The following HERC2 variants were observed in gnomAD, a reference collection of about 807,000 sequenced individuals.
HERC2 encodes HECT and RLD domain containing E3 ubiquitin protein ligase 2, also known as E3 ubiquitin-protein ligase HERC2.
Under a neutral mutation model 537.7 loss-of-function variants are expected in HERC2, and 102 were observed. The observed-to-expected ratio is 0.19, with a 90% CI of 0.16 to 0.22. The LOEUF is 0.22. Ranked by LOEUF, HERC2 falls within the 10% of genes least tolerant of loss-of-function variation. The pLI is 1.00. For synonymous variants in HERC2, 2,224 were observed against 2,466.2 expected (o/e 0.90, Z 2.91); for missense variants, 4,236 against 6,198.2 (o/e 0.68, Z 10.63).
chr15:28,233,582 G>C, intron 28 of HERC2, 21 bp from the exon 29 acceptor site: 1 of 1,613,762 alleles, frequency 6.2e-7, no homozygotes, highest in Non-Finnish European at 8.5e-7. Flanking sequence ...ACATTTAAAA[G>C]AAGGGCAGGG....
In HERC2 at chr15:28,238,150, T is replaced by C. The variant is rs1187434919; in HGVS notation, c.3816A>G (p.Glu1272=). 1.9e-6 allele frequency: 3 copies of C among 1,611,928 alleles called. No homozygotes were observed. In the South Asian group the frequency reaches 3.3e-5, roughly 18 times the overall value. Reference sequence around the variant, plus strand: ...GGCCAACACAAAACGCGTGCATGGATTCCCGGGTGTCTTCAAACTGCAAAG... The same window carrying C: ...GGCCAACACAAAACGCGTGCATGGACTCCCGGGTGTCTTCAAACTGCAAAG... ...EAALQFEDTR[E]SMHAFCVGQY... is the part of the protein sequence containing the mutation. The change falls in exon 25 of 93, where the codon GAA becomes GAG. Residue 1272 remains glutamate (E), a synonymous_variant. Coordinates refer to ENST00000261609, the MANE Select transcript of HERC2 (RefSeq NM_004667.6).
At position 28,163,253 on chromosome 15, in the gene HERC2, C is replaced by T. The variant is rs761279405; in HGVS notation, c.10587G>A (p.Pro3529=). ...DVESQNKAAG[P]EPQALDEFTS... The stretch of plus-strand genomic sequence containing the variant: ...TGAACTCATCCAAGGCCTGAGGCTC[C>T]GGACCTGCTGCTTTATTTTGGCTTT... Residue 3529 remains proline (P), a synonymous_variant, in exon 69 of 93, where the codon CCG becomes CCA. Coordinates refer to ENST00000261609, the MANE Select transcript of HERC2 (RefSeq NM_004667.6). 23 of 1,613,462 alleles carry T rather than the reference C, an allele frequency of 1.4e-5. No individual in the cohort carries two copies. The highest frequency in any genetic ancestry group is 3.3e-4 in the Middle Eastern group (2 of 6,084).
At position 28,115,416 on chromosome 15, in the gene HERC2, C is replaced by T. The variant is rs555825051; in HGVS notation, c.13722+13G>A. On this transcript the variant is annotated intron_variant, in intron 89 of 92. Coordinates refer to ENST00000261609, the MANE Select transcript of HERC2 (RefSeq NM_004667.6). Reference sequence around the variant, plus strand: ...AGACCCTAGAGGCCCCGCCTGCCGCCCCAGGGAGTTACCTCACTGAGGTCC... The same window carrying T: ...AGACCCTAGAGGCCCCGCCTGCCGCTCCAGGGAGTTACCTCACTGAGGTCC... The T allele has an allele frequency of 2.5e-6, 4 of 1,601,308 alleles. No individual in the cohort carries two copies. Among genetic ancestry groups the T allele is most frequent in the East Asian group, 4.5e-5 (2 of 44,786 alleles).
chr15:28,280,324 C>T, intron 4 of HERC2, 37 bp from the exon 5 acceptor site: 1 of 1,513,442 alleles, frequency 6.6e-7, no homozygotes, highest in Non-Finnish European at 9.0e-7. Context: ...CACCTGTGGA[C>T]AATGTGGCCA....
intron 6 of HERC2, among the ~76,000 whole-genome samples, 162 bp from the exon 7 acceptor site, chr15:28,274,609 C>G (rs2075822878): frequency 6.6e-6 from 1 of 152,238 alleles, no homozygotes; most frequent in African/African-American, 2.4e-5. Context: ...TGTTTCACGG[C>G]TGTCACATGA....
At chr15:28,172,407 T>C (rs971441337) in intron 65 of HERC2, among the ~76,000 whole-genome samples, 14 of 152,198 alleles carry the variant, frequency 9.2e-5, no homozygotes, top group Non-Finnish European at 1.9e-4. Context: ...AGACAATATG[T>C]CATTGCCACC....
intron 2 of HERC2, among the ~76,000 whole-genome samples, chr15:28,309,540 G>C (rs530568271): frequency 2.8e-4 from 43 of 152,276 alleles, no homozygotes; most frequent in Middle Eastern, 3.4e-3. Flanking sequence ...CCGTCCTGAA[G>C]GGATGGTCTT....
chr15:28,201,650 T>C, intron 47 of HERC2, 96 bp from the exon 48 acceptor site: 1 of 803,440 alleles, frequency 1.2e-6, no homozygotes, highest in Non-Finnish European at 2.1e-6. Context: ...TATTAAAAAG[T>C]AGAGGATGAA....
intron 69 of HERC2, among the ~76,000 whole-genome samples, chr15:28,154,364 A>G (rs1892770506): frequency 6.6e-6 from 1 of 152,192 alleles, no homozygotes; most frequent in Non-Finnish European, 1.5e-5. Flanking sequence ...TTTGAGTCCC[A>G]AATATCAGGT....
rs752342105 is a variant in HERC2, at chr15:28,256,305, T to C, written c.2530A>G (p.Ile844Val). The change falls in exon 18 of 93, where the codon ATT (isoleucine) becomes GTT (valine). Residue 844 changes from isoleucine (I) to valine (V), a missense_variant. This residue lies in a region of HERC2 where 754 missense variants were observed against 1,085.0 expected (regional missense o/e 0.69). Coordinates refer to ENST00000261609, the MANE Select transcript of HERC2 (RefSeq NM_004667.6). ...NLLRLQLHAA[I>V]SHQVDPEFLG... ...AATTCCGGGTCAACCTGGTGACTAA[T>C]GGCAGCATGCAACTGAAAGGAGAAA... 1.4e-5 allele frequency: 23 copies of C among 1,593,726 alleles called. No individual in the cohort carries two copies. In the East Asian group the frequency reaches 4.2e-4, roughly 29 times the overall value.
intron 15 of HERC2, among the ~76,000 whole-genome samples, chr15:28,262,506 T>C (rs2075441514): frequency 6.6e-6 from 1 of 152,132 alleles, no homozygotes. Context: ...CATGAGGGTG[T>C]CCCAAGTGGA....
intron 57 of HERC2, among the ~76,000 whole-genome samples, chr15:28,180,803 T>TATAACA (rs1334966808): frequency 6.6e-6 from 1 of 152,206 alleles, no homozygotes; most frequent in African/African-American, 2.4e-5. Flanking sequence ...AACAATGTAA[T>TATAACA]ATAACAACTA....
At chr15:28,153,472 G>T (rs879747419) in intron 69 of HERC2, among the ~76,000 whole-genome samples, 2 of 151,902 alleles carry the variant, frequency 1.3e-5, no homozygotes, top group African/African-American at 4.8e-5. Flanking sequence ...TGGCCAGTAC[G>T]GTGAAACCCC....
intron 16 of HERC2, among the ~76,000 whole-genome samples, chr15:28,260,081 T>C (rs2140922894): frequency 6.6e-6 from 1 of 151,328 alleles, no homozygotes; most frequent in South Asian, 2.1e-4. Flanking sequence ...GCCTCACACC[T>C]GTAATCCCAG....
In HERC2 at chr15:28,144,228, T is replaced by A. The variant is rs923939095; in HGVS notation, c.11148A>T (p.Lys3716Asn). The change falls in exon 73 of 93, where the codon AAA (lysine) becomes AAT (asparagine). Residue 3716 changes from lysine (K) to asparagine (N), a missense_variant. Transcript: ENST00000261609. ...VYPIMPAAGP[K>N]ELLSDRCVLS... The stretch of plus-strand genomic sequence containing the variant: ...GGACGCAGCGGTCAGAGAGGAGTTC[T>A]TTAGGGCCTGTGAATGAACACTGTA... The A allele has an allele frequency of 8.1e-6, 13 of 1,613,808 alleles. No individual in the cohort carries two copies. Among genetic ancestry groups the A allele is most frequent in the Non-Finnish European group, 1.1e-5 (13 of 1,180,024 alleles).
intron 2 of HERC2, among the ~76,000 whole-genome samples, chr15:28,303,362 A>C (rs1296318368): frequency 6.6e-6 from 1 of 152,006 alleles, no homozygotes; most frequent in East Asian, 1.9e-4. Context: ...CCATTGGTCT[A>C]GGTGTCTGTT....
At position 28,174,425 on chromosome 15, in the gene HERC2, C is replaced by T. The variant is rs769531855; in HGVS notation, c.10027G>A (p.Ala3343Thr). Residue 3343 changes from alanine (A) to threonine (T), a missense_variant, in exon 65 of 93, where the codon GCA (alanine) becomes ACA (threonine). Physicochemically the swap from Ala to Thr is moderately conservative, Grantham distance 58. Around this residue, in one of 27 missense-constraint regions of HERC2, gnomAD observed 93 missense variants for 265.1 expected, o/e 0.35. Coordinates refer to ENST00000261609, the MANE Select transcript of HERC2 (RefSeq NM_004667.6). The stretch of plus-strand genomic sequence containing the variant: ...TAGGAAGCACCTAAAGGGTCTCTTG[C>T]AGTCTGGAAGAGGACGGGCTCGTGG... ...SVHEPVLFQT[A>T]RDPLGASYLG... 5 of 1,611,924 alleles carry T rather than the reference C, an allele frequency of 3.1e-6. No individual in the cohort carries two copies. In the Admixed American group the frequency reaches 6.7e-5, roughly 21 times the overall value.
In HERC2 at chr15:28,130,268, A is replaced by T. The variant is rs138063419; in HGVS notation, c.12697T>A (p.Ser4233Thr). Reference protein sequence around the residue: ...KGDYHRLGHGSDDHVRRPRQV... With the variant: ...KGDYHRLGHGTDDHVRRPRQV... ...CGAGGCCTTCGAACATGGTCATCTG[A>T]TCCATGGCCCAACCTGTGATAATCG... The change falls in exon 83 of 93, where the codon TCA (serine) becomes ACA (threonine). Residue 4233 changes from serine to threonine, a missense_variant. Physicochemically the swap from Ser to Thr is moderately conservative, Grantham distance 58. Transcript: ENST00000261609. 6.2e-4 allele frequency: 1,006 copies of T among 1,614,088 alleles called. 1 individual carries two copies. The highest frequency in any genetic ancestry group is 8.2e-4 in the Non-Finnish European group (965 of 1,180,000).
At chr15:28,248,523 A>T in intron 21 of HERC2, 29 bp downstream of exon 21, 1 of 1,574,674 alleles carries the variant, frequency 6.4e-7, no homozygotes, top group Non-Finnish European at 8.7e-7. Flanking sequence ...GATCACATAC[A>T]AGACACTTTC....
Sources: gnomAD v4.1 joint callset for allele counts (sites outside exome capture counted in the v4.1 genomes callset) on GRCh38, gnomAD v4.1.1 for gene constraint, gnomAD v4.1.1 regional missense constraint, MANE v1.5 for transcripts, NCBI Gene and HGNC (gene_info 2026-07-23, HGNC 2026-07-21) for gene names.